The following BUD13 variants were observed in gnomAD, a reference collection of about 807,000 sequenced individuals.
BUD13 encodes BUD13 homolog.
Under a neutral mutation model 62.5 loss-of-function variants are expected in BUD13, and 47 were observed. That is an observed-to-expected ratio of 0.75 (90% CI 0.60 to 0.96). BUD13 has a LOEUF of 0.96. BUD13 is among the 40% of genes least tolerant of loss of function. The probability of loss-of-function intolerance (pLI) is 0.00; values close to 1 mark genes in which losing one functional copy is unlikely to be tolerated. For missense variants in BUD13, 821 were observed against 790.9 expected, an observed-to-expected ratio of 1.04 and a Z score of -0.46; for synonymous variants, 293 against 280.1, an observed-to-expected ratio of 1.05 and a Z score of -0.46.
At position 116,762,767 on chromosome 11, in the gene BUD13, C is replaced by CA. The variant is rs773117042; in HGVS notation, c.821dup (p.Leu274PhefsTer4). 1 of 1,614,152 alleles carries CA rather than the reference C, an allele frequency of 6.2e-7. No homozygotes were observed. Among genetic ancestry groups the CA allele is most frequent in the African/African-American group, 1.3e-5 (1 of 75,050 alleles). ...GCAGGGAATAAGTGACATTAGGAGC[C>CA]AAATCAGGGGAGTCATGACGGGCCC... is the stretch of plus-strand genomic sequence containing the variant. On this transcript the variant is annotated frameshift_variant, in exon 4 of 10. Coordinates refer to ENST00000260210, the MANE Select transcript of BUD13 (RefSeq NM_032725.4). LOFTEE classifies it high-confidence loss of function.
At chr11:116,748,980 C>CAAAAAAAAAA (rs58988682) in intron 9 of BUD13, among the ~76,000 whole-genome samples, 1 of 87,010 alleles carries the variant, frequency 1.1e-5, no homozygotes, top group African/African-American at 4.4e-5. Flanking sequence ...GACTCTGTCT[C>CAAAAAAAAAA]AAAAAAAAAA....
At chr11:116,765,014 T>C (rs1199703540) in intron 3 of BUD13, among the ~76,000 whole-genome samples, 1 of 152,034 alleles carries the variant, frequency 6.6e-6, no homozygotes, top group African/African-American at 2.4e-5. Flanking sequence ...GTAGCTAAAG[T>C]CCCCAAATTC....
chr11:116,760,807 C>T lies in BUD13; in HGVS notation c.1182G>A (p.Arg394=). ...RSSDSDLSPP[R]RRQRTKSSDS... ...CAGAAGATTTGGTCCTCTGTCTCCT[C>T]CTTGGTGGAGAGAGGTCAGAATCAG... is the stretch of plus-strand genomic sequence containing the variant. Residue 394 remains arginine, a synonymous_variant, in exon 5 of 10, where the codon AGG becomes AGA. Transcript: ENST00000260210. 6.2e-7 allele frequency: 1 copy of T among 1,614,106 alleles called. No individual in the cohort carries two copies. The highest frequency in any genetic ancestry group is 1.1e-5 in the South Asian group (1 of 91,074).
chr11:116,759,980 T>C (rs535793131), intron 5 of BUD13, among the ~76,000 whole-genome samples: 60 of 152,356 alleles, frequency 3.9e-4, no homozygotes, highest in African/African-American at 1.2e-3. Flanking sequence ...ATTCCTTTAC[T>C]ACTACCAATG....
chr11:116,758,689 G>A (rs577164683), intron 6 of BUD13, among the ~76,000 whole-genome samples: 3 of 147,764 alleles, frequency 2.0e-5, no homozygotes, highest in Non-Finnish European at 4.4e-5. Context: ...CCAGGTTCAA[G>A]CGATTCTCCT....
intron 8 of BUD13, among the ~76,000 whole-genome samples, chr11:116,757,461 ATTTT>A (rs35269431): frequency 7.2e-6 from 1 of 138,858 alleles, no homozygotes; most frequent in African/African-American, 2.6e-5. Flanking sequence ...ATGACCGGCT[ATTTT>A]TTTTTTTTTT....
intron 9 of BUD13, among the ~76,000 whole-genome samples, chr11:116,752,968 C>T (rs965139442): frequency 2.0e-5 from 3 of 152,170 alleles, no homozygotes; most frequent in South Asian, 2.1e-4. Flanking sequence ...CAGAAGACAA[C>T]GCCTTAGGCC....
intron 8 of BUD13, 67 bp downstream of exon 8, chr11:116,757,699 T>A (rs1940354026): frequency 6.9e-7 from 1 of 1,446,486 alleles, no homozygotes; most frequent in Non-Finnish European, 9.4e-7. Flanking sequence ...CATATAGCTA[T>A]GTATCAGCAT....
intron 1 of BUD13, 35 bp downstream of exon 1, chr11:116,772,787 C>G: frequency 6.7e-7 from 1 of 1,495,162 alleles, no homozygotes; most frequent in Non-Finnish European, 8.9e-7. Flanking sequence ...GGTGGCTAGA[C>G]GTCGCAGGCC....
At chr11:116,753,418 G>T (rs1940273528) in intron 9 of BUD13, among the ~76,000 whole-genome samples, 1 of 152,190 alleles carries the variant, frequency 6.6e-6, no homozygotes, top group Non-Finnish European at 1.5e-5. Flanking sequence ...TAAAAGAACT[G>T]AGCAAAGATT....
At chr11:116,764,706 A>C (rs1940498346) in intron 3 of BUD13, among the ~76,000 whole-genome samples, 3 of 152,366 alleles carry the variant, frequency 2.0e-5, no homozygotes, top group South Asian at 4.1e-4. Flanking sequence ...TATTTATTAA[A>C]GGTAGCTCCT....
chr11:116,760,960 G>A lies in BUD13; in HGVS notation c.1037-8C>T, dbSNP rs372663182. Reference sequence around the variant, plus strand: ...TTGCTTTCTGGCAGTCACCTGGATAGGAGCAAAGAATCTGTGTGACTCTGA... The same window carrying A: ...TTGCTTTCTGGCAGTCACCTGGATAAGAGCAAAGAATCTGTGTGACTCTGA... On this transcript the variant is annotated splice_region_variant and splice_polypyrimidine_tract_variant and intron_variant, in intron 4 of 9. Transcript: ENST00000260210. 4.5e-5 allele frequency: 73 copies of A among 1,612,784 alleles called. No individual in the cohort carries two copies. In the African/African-American group the frequency reaches 8.9e-4, roughly 20 times the overall value.
At chr11:116,762,257 T>C (rs974641751) in intron 4 of BUD13, among the ~76,000 whole-genome samples, 5 of 152,212 alleles carry the variant, frequency 3.3e-5, no homozygotes, top group Admixed American at 1.3e-4. Context: ...CTAACAATAA[T>C]TGCCTCTGAA....
intron 8 of BUD13, 86 bp downstream of exon 8, chr11:116,757,680 C>T (rs143811287): frequency 0.02 from 27,327 of 1,343,444 alleles, 390 homozygotes; most frequent in Non-Finnish European, 0.023. Context: ...TTTGGGAAAT[C>T]CTTCTTTGCA....
chr11:116,755,277 T>C (rs1422158103), intron 9 of BUD13, among the ~76,000 whole-genome samples: 2 of 152,240 alleles, frequency 1.3e-5, no homozygotes, highest in Non-Finnish European at 2.9e-5. Context: ...TAACTTCCCA[T>C]TATTTAAAGA....
At chr11:116,756,415 G>T (rs1940326840) in intron 9 of BUD13, among the ~76,000 whole-genome samples, 1 of 151,796 alleles carries the variant, frequency 6.6e-6, no homozygotes, top group African/African-American at 2.4e-5. Flanking sequence ...GGGAGGCTAG[G>T]GCAGGAGAAT....
intron 2 of BUD13, among the ~76,000 whole-genome samples, chr11:116,768,364 G>A (rs1364627214): frequency 6.6e-6 from 1 of 152,028 alleles, no homozygotes; most frequent in Non-Finnish European, 1.5e-5. Flanking sequence ...TAGCAGAGGA[G>A]TAGACTCCAA....
chr11:116,752,869 G>C (rs564673589), intron 9 of BUD13, among the ~76,000 whole-genome samples: 1 of 152,242 alleles, frequency 6.6e-6, no homozygotes, highest in African/African-American at 2.4e-5. Context: ...GGGTTCAAGC[G>C]ATCTTCCTGC....
intron 9 of BUD13, among the ~76,000 whole-genome samples, chr11:116,748,980 C>CAAAAAAAAAAAAAAAAAAA (rs58988682): frequency 2.0e-4 from 17 of 86,952 alleles, no homozygotes; most frequent in Non-Finnish European, 2.5e-4. Context: ...GACTCTGTCT[C>CAAAAAAAAAAAAAAAAAAA]AAAAAAAAAA....
Sources: allele counts gnomAD v4.1 joint callset (sites outside exome capture counted in the v4.1 genomes callset), GRCh38; gene constraint gnomAD v4.1.1; transcripts MANE v1.5; gene names NCBI Gene and HGNC (gene_info 2026-07-23, HGNC 2026-07-21).